DCLK2: variants seen among roughly 807,000 people sequenced by gnomAD.
DCLK2 encodes serine/threonine-protein kinase DCLK2.
A neutral mutation model predicts 78.4 loss-of-function variants in DCLK2; 31 were observed. The observed-to-expected ratio is 0.40, with a 90% CI of 0.30 to 0.53. DCLK2 has a LOEUF of 0.53. DCLK2 is among the 20% of genes least tolerant of loss of function. DCLK2 has a pLI of 0.61. For missense variants in DCLK2, 872 were observed against 973.7 expected, an observed-to-expected ratio of 0.90 and a Z score of 1.39; for synonymous variants, 407 against 374.9, an observed-to-expected ratio of 1.09 and a Z score of -0.99.
intron 8 of DCLK2, among the ~76,000 whole-genome samples, chr4:150,228,559 G>A (rs1043054515): frequency 1.3e-5 from 2 of 152,210 alleles, no homozygotes; most frequent in South Asian, 2.1e-4. Context: ...CACACAAACA[G>A]TTGAAAGATG....
intron 5 of DCLK2, among the ~76,000 whole-genome samples, chr4:150,208,822 A>C (rs1740067526): frequency 6.6e-6 from 1 of 152,190 alleles, no homozygotes; most frequent in South Asian, 2.1e-4. Flanking sequence ...TTAGTACAAT[A>C]ACAGAGTTCA....
chr4:150,127,247 C>G (rs183217860), intron 2 of DCLK2, among the ~76,000 whole-genome samples: 3 of 152,284 alleles, frequency 2.0e-5, no homozygotes, highest in Non-Finnish European at 4.4e-5. Context: ...TACCTTGTTT[C>G]TCATCATACT....
intron 1 of DCLK2, among the ~76,000 whole-genome samples, chr4:150,098,579 G>A (rs1414100675): frequency 6.6e-6 from 1 of 152,114 alleles, no homozygotes; most frequent in East Asian, 1.9e-4. Context: ...TGGGTGAATT[G>A]TCTAGTGGTG....
At chr4:150,199,657 A>G (rs1429236987) in intron 4 of DCLK2, among the ~76,000 whole-genome samples, 1 of 152,238 alleles carries the variant, frequency 6.6e-6, no homozygotes, top group African/African-American at 2.4e-5. Context: ...ACAATTAACA[A>G]TGAGCATTTT....
rs1553964170 is a variant in DCLK2 at position 150,175,011 on chromosome 4, A to ATATATATATAT, written c.757-18127_757-18126insTATATATATAT. The stretch of plus-strand genomic sequence containing the variant: ...AGACTCCGTCGCAAAAAAAAAAAAA[A>ATATATATATAT]ATATATATATATATATATATATTTA... On this transcript the variant is annotated intron_variant, in intron 2 of 15. Transcript: ENST00000296550. 3.8e-3 allele frequency among the ~76,000 whole-genome samples: 38 copies of ATATATATATAT among 9,976 alleles called. 10 individuals are homozygous for ATATATATATAT. The highest frequency in any genetic ancestry group is 9.0e-3 in the African/African-American group (34 of 3,794). The allele number at this position is 9,976 out of a possible 152,430, so 6.5% of individuals were successfully genotyped here.
At chr4:150,255,995 G>A (rs781462746) in intron 15 of DCLK2, 25 bp from the exon 16 acceptor site, 6 of 1,609,756 alleles carry the variant, frequency 3.7e-6, no homozygotes, top group Non-Finnish European at 5.1e-6. Context: ...CGGGTAATGT[G>A]TTGTCTCTGC....
intron 5 of DCLK2, among the ~76,000 whole-genome samples, chr4:150,211,507 A>G (rs1740313661): frequency 6.6e-6 from 1 of 152,120 alleles, no homozygotes; most frequent in South Asian, 2.1e-4. Flanking sequence ...TCTGGCAGTC[A>G]CACCAGCCTT....
chr4:150,080,620 A>G (rs1277004802), intron 1 of DCLK2, among the ~76,000 whole-genome samples: 4 of 152,346 alleles, frequency 2.6e-5, no homozygotes, highest in South Asian at 4.1e-4. Context: ...TTATCTCAGC[A>G]TGCTTTTCTG....
At chr4:150,196,525 G>A (rs912823283) in intron 3 of DCLK2, among the ~76,000 whole-genome samples, 7 of 152,122 alleles carry the variant, frequency 4.6e-5, no homozygotes, top group Admixed American at 6.5e-5. Flanking sequence ...CTGGGGTATA[G>A]ACTAAAATTA....
chr4:150,095,837 G>A (rs1009507914), intron 1 of DCLK2, among the ~76,000 whole-genome samples: 8 of 152,230 alleles, frequency 5.3e-5, no homozygotes, highest in African/African-American at 1.9e-4. Flanking sequence ...GACAAGGAGA[G>A]AGGAGGAAGG....
chr4:150,105,230 A>G (rs1282316023), intron 2 of DCLK2, among the ~76,000 whole-genome samples: 4 of 152,182 alleles, frequency 2.6e-5, no homozygotes, highest in Non-Finnish European at 5.9e-5. Flanking sequence ...CACAAAGTGT[A>G]AGGTTGAATG....
At position 150,251,929 on chromosome 4, in the gene DCLK2, G is replaced by GCTCTCCCT. The variant is rs959979701; in HGVS notation, c.2073+2265_2073+2272dup. Among the ~76,000 whole-genome samples the GCTCTCCCT allele has an allele frequency of 2.1e-4, 32 of 152,016 alleles. No individual in the cohort carries two copies. The East Asian group carries it at 2.2e-3, about 10-fold the overall frequency. On this transcript the variant is annotated intron_variant, in intron 15 of 15. Transcript: ENST00000296550. Reference sequence around the variant, plus strand: ...CAGCTGCTCCCCTGCCAGAAAGTGTGCTCTCCCTCTCTCCCTCTCTCCCTC... The same window carrying GCTCTCCCT: ...CAGCTGCTCCCCTGCCAGAAAGTGTGCTCTCCCTCTCTCCCTCTCTCCCTCTCTCCCTC...
intron 7 of DCLK2, among the ~76,000 whole-genome samples, chr4:150,222,698 CA>C (rs113361844): frequency 0.025 from 3,453 of 139,818 alleles, 133 homozygotes; most frequent in African/African-American, 0.084. Context: ...ACAAGACAAA[CA>C]AAAAAAAAAA....
chr4:150,098,610 C>G (rs1730636118), intron 1 of DCLK2, among the ~76,000 whole-genome samples: 1 of 151,968 alleles, frequency 6.6e-6, no homozygotes, highest in African/African-American at 2.4e-5. Context: ...TTTTAGTGCA[C>G]CTGTCACTTT....
chr4:150,095,465 TTTTCA>T (rs1278437670), intron 1 of DCLK2, among the ~76,000 whole-genome samples: 1 of 152,248 alleles, frequency 6.6e-6, no homozygotes, highest in African/African-American at 2.4e-5. Flanking sequence ...CATTTGTTCA[TTTTCA>T]TTAGTATGTA....
At chr4:150,113,566 C>CATTTTTATT (rs1031266267) in intron 2 of DCLK2, among the ~76,000 whole-genome samples, 3 of 152,024 alleles carry the variant, frequency 2.0e-5, no homozygotes, top group African/African-American at 7.2e-5. Flanking sequence ...CTTGAATGAT[C>CATTTTTATT]ATTTTTATTT....
chr4:150,228,120 G>A (rs778831255), intron 8 of DCLK2, among the ~76,000 whole-genome samples: 18 of 152,024 alleles, frequency 1.2e-4, no homozygotes, highest in Non-Finnish European at 2.4e-4. Context: ...ACTTCCCTGT[G>A]CTTCTCTAGG....
chr4:150,105,014 T>G (rs1731157164), intron 2 of DCLK2, among the ~76,000 whole-genome samples: 2 of 152,136 alleles, frequency 1.3e-5, no homozygotes, highest in Admixed American at 1.3e-4. Flanking sequence ...TTGAATTTAA[T>G]CTGGAAAAAT....
intron 1 of DCLK2, among the ~76,000 whole-genome samples, chr4:150,082,024 AAAAG>A (rs1729336852): frequency 6.6e-6 from 1 of 151,888 alleles, no homozygotes; most frequent in African/African-American, 2.4e-5. Flanking sequence ...AGAAAAGAAA[AAAAG>A]AAAAAGAATC....
Sources: allele counts gnomAD v4.1 joint callset (sites outside exome capture counted in the v4.1 genomes callset), GRCh38; gene constraint gnomAD v4.1.1; transcripts MANE v1.5; gene names NCBI Gene and HGNC (gene_info 2026-07-23, HGNC 2026-07-21).